Variants in KSR1 observed in about 807,000 individuals in gnomAD.
The protein encoded by KSR1 is kinase suppressor of ras 1, also known as kinase suppressor of ras.
KSR1 carries 35 observed loss-of-function variants against 92.9 expected under a neutral mutation model. The ratio of observed to expected loss-of-function variants is 0.38; its 90% CI spans 0.29 to 0.50. The LOEUF (loss-of-function observed/expected upper bound fraction) is 0.50, where lower values mean the gene tolerates loss of function less well. Ranked by LOEUF, KSR1 falls within the 20% of genes least tolerant of loss-of-function variation. The pLI is 0.94. For missense variants in KSR1, 972 were observed against 1,158.5 expected (o/e 0.84, Z 2.34); for synonymous variants, 467 against 472.6 (o/e 0.99, Z 0.15).
rs1423615330 is a variant in KSR1, at chr17:27,622,190, G to A, written c.2708+917G>A. The A allele has an allele frequency of 1.3e-5, 7 of 547,686 alleles. No individual in the cohort carries two copies. In the Admixed American group the frequency reaches 2.0e-4, roughly 15 times the overall value. 33.9% of individuals were successfully genotyped at this position (547,686 alleles called of 1,614,324 possible). A position where few individuals can be genotyped will look rare whatever the true frequency, so the allele number is the denominator to read the frequency against. On this transcript the variant is annotated intron_variant, in intron 20 of 20. Transcript: ENST00000644974. The stretch of plus-strand genomic sequence containing the variant: ...CACTAACTGAGCTCCCTCCAAGGCA[G>A]TCTGGGCAGCTTCTAACTACCTTCC...
intron 2 of KSR1, among the ~76,000 whole-genome samples, chr17:27,560,763 C>T (rs1276899138): frequency 6.6e-6 from 1 of 152,188 alleles, no homozygotes; most frequent in East Asian, 1.9e-4. Context: ...CTCTCCTTCC[C>T]ACCCCTCCTC....
At chr17:27,562,948 T>C (rs767709479) in intron 2 of KSR1, among the ~76,000 whole-genome samples, 2 of 152,188 alleles carry the variant, frequency 1.3e-5, no homozygotes, top group Non-Finnish European at 2.9e-5. Context: ...CTGAGCCTGC[T>C]TACTGTCTTA....
At chr17:27,585,548 A>G in intron 4 of KSR1, 109 bp from the exon 5 acceptor site, 1 of 716,292 alleles carries the variant, frequency 1.4e-6, no homozygotes, top group South Asian at 1.5e-5. Context: ...CAGGCCTCAG[A>G]GTCCTACGTC....
chr17:27,603,641 T>C (rs1298224246), intron 11 of KSR1, among the ~76,000 whole-genome samples, 193 bp from the exon 12 acceptor site: 2 of 152,140 alleles, frequency 1.3e-5, no homozygotes, highest in African/African-American at 2.4e-5. Context: ...CAGAAGCAGG[T>C]GCTGTGGAGG....
intron 1 of KSR1, among the ~76,000 whole-genome samples, chr17:27,517,466 T>C (rs1168866500): frequency 1.3e-5 from 2 of 152,170 alleles, no homozygotes; most frequent in African/African-American, 2.4e-5. Flanking sequence ...AATTTTATAC[T>C]TTTAGTAGAG....
chr17:27,476,477 C>T (rs771237121), intron 1 of KSR1, among the ~76,000 whole-genome samples: 3 of 152,202 alleles, frequency 2.0e-5, no homozygotes, highest in Admixed American at 6.5e-5. Context: ...CCCATCTTCT[C>T]AGGGAGCGCC....
intron 1 of KSR1, among the ~76,000 whole-genome samples, chr17:27,478,138 C>T (rs1337179116): frequency 6.6e-6 from 1 of 152,216 alleles, no homozygotes; most frequent in Non-Finnish European, 1.5e-5. Flanking sequence ...TAGCCCAGTA[C>T]TTGGCACACA....
At position 27,499,667 on chromosome 17, in the gene KSR1, T is replaced by C. The variant is rs532430421; in HGVS notation, c.231+42793T>C. ...GACAGCCGGCCCTTGGCAGAGCTAT[T>C]GGCAAGGCACTCATGATGTCATCTT... On this transcript the variant is annotated intron_variant, in intron 1 of 20. Coordinates refer to ENST00000644974, the MANE Select transcript of KSR1 (RefSeq NM_001394583.1). Among the ~76,000 whole-genome samples, 12 of 152,316 alleles carry C rather than the reference T, an allele frequency of 7.9e-5. No individual in the cohort carries two copies. In the South Asian group the frequency reaches 2.5e-3, roughly 32 times the overall value.
chr17:27,532,064 T>C (rs559400230), intron 1 of KSR1, among the ~76,000 whole-genome samples: 128 of 152,346 alleles, frequency 8.4e-4, no homozygotes, highest in African/African-American at 2.8e-3. Context: ...TGTCCCTCTC[T>C]GGGCCTCAGT....
At chr17:27,529,828 T>A (rs1344894382) in intron 1 of KSR1, among the ~76,000 whole-genome samples, 2 of 152,214 alleles carry the variant, frequency 1.3e-5, no homozygotes, top group Non-Finnish European at 2.9e-5. Flanking sequence ...AATTTTCATA[T>A]CTGAATTCTC....
intron 1 of KSR1, 99 bp from the exon 2 acceptor site, chr17:27,550,469 T>C: frequency 1.4e-6 from 1 of 713,056 alleles, no homozygotes; most frequent in Non-Finnish European, 2.6e-6. Context: ...CCTCATCACA[T>C]TGCTTGTGTC....
At chr17:27,470,059 C>T (rs536536403) in intron 1 of KSR1, among the ~76,000 whole-genome samples, 439 of 33,100 alleles carry the variant, frequency 0.013, 6 homozygotes, top group African/African-American at 0.064. Flanking sequence ...ACTGTTCTCC[C>T]ATTTTTTTTT....
At chr17:27,507,785 G>A (rs1471492165) in intron 1 of KSR1, among the ~76,000 whole-genome samples, 2 of 152,000 alleles carry the variant, frequency 1.3e-5, no homozygotes, top group Admixed American at 1.3e-4. Flanking sequence ...ATGTTGGTCA[G>A]GCTGATCTCG....
intron 6 of KSR1, among the ~76,000 whole-genome samples, chr17:27,589,365 C>G (rs143764462): frequency 6.6e-6 from 1 of 152,230 alleles, no homozygotes; most frequent in African/African-American, 2.4e-5. Flanking sequence ...CTCTGCTGGA[C>G]CAGTGGAATC....
In KSR1 at chr17:27,611,640, C is replaced by CCTGCCCTGGTA. The variant is rs1354963273; in HGVS notation, c.2493+20_2493+21insTACTGCCCTGG. 2.5e-6 allele frequency: 4 copies of CCTGCCCTGGTA among 1,613,592 alleles called. No individual in the cohort carries two copies. The African/African-American group carries it at 5.3e-5, about 22-fold the overall frequency. ...GGGAAGGAAGTCAGTGTAAGTAGTA[C>CCTGCCCTGGTA]CTGCCCTGGGTGGAGCAGTAGGGCT... On this transcript the variant is annotated intron_variant, in intron 18 of 20. Coordinates refer to ENST00000644974, the MANE Select transcript of KSR1 (RefSeq NM_001394583.1).
At chr17:27,467,897 G>C (rs997611986) in intron 1 of KSR1, among the ~76,000 whole-genome samples, 1 of 149,730 alleles carries the variant, frequency 6.7e-6, no homozygotes, top group African/African-American at 2.5e-5. Context: ...TGCAAGCTCT[G>C]CCTCCTGGGT....
At chr17:27,533,385 ATTCT>A (rs1276328114) in intron 1 of KSR1, among the ~76,000 whole-genome samples, 1 of 138,224 alleles carries the variant, frequency 7.2e-6, no homozygotes, top group Admixed American at 7.1e-5. Context: ...AGATGCAACC[ATTCT>A]TTTTTTTTTT....
chr17:27,518,495 T>C (rs1295335087), intron 1 of KSR1, among the ~76,000 whole-genome samples: 1 of 152,200 alleles, frequency 6.6e-6, no homozygotes, highest in East Asian at 1.9e-4. Flanking sequence ...CTGTTAACTC[T>C]GGTGTTTGCT....
rs187161245 is a variant in KSR1 at position 27,467,377 on chromosome 17, G to A, written c.231+10503G>A. On this transcript the variant is annotated intron_variant, in intron 1 of 20. Coordinates refer to ENST00000644974, the MANE Select transcript of KSR1 (RefSeq NM_001394583.1). ...CGGGCAAGGGAGAAACTTACTTTTT[G>A]CCCTCTGAAGGTTTACTGAAAAATT... 9.5e-4 allele frequency among the ~76,000 whole-genome samples: 144 copies of A among 152,306 alleles called. 1 individual carries two copies. The highest frequency in any genetic ancestry group is 3.4e-3 in the African/African-American group (142 of 41,552).
Sources: gnomAD v4.1 joint callset for allele counts (sites outside exome capture counted in the v4.1 genomes callset) on GRCh38, gnomAD v4.1.1 for gene constraint, MANE v1.5 for transcripts, NCBI Gene and HGNC (gene_info 2026-07-23, HGNC 2026-07-21) for gene names.